PVT1: variants seen among roughly 807,000 people sequenced by gnomAD.
The protein encoded by PVT1 is Pvt1 oncogene.
intron 3 of PVT1, among the ~76,000 whole-genome samples, chr8:127,895,110 A>G (rs915265382): frequency 1.3e-5 from 2 of 152,220 alleles, no homozygotes; most frequent in Non-Finnish European, 2.9e-5. Context: ...GAAATAGTAA[A>G]TATTTCCACT....
chr8:127,911,387 C>T (rs574726866), intron 3 of PVT1, among the ~76,000 whole-genome samples: 2 of 152,308 alleles, frequency 1.3e-5, no homozygotes, highest in Non-Finnish European at 2.9e-5. Flanking sequence ...ACCTGCACAG[C>T]AGGTCGGAGT....
At chr8:128,027,564 G>A (rs1204971014) in intron 4 of PVT1, among the ~76,000 whole-genome samples, 2 of 152,178 alleles carry the variant, frequency 1.3e-5, no homozygotes, top group Non-Finnish European at 2.9e-5. Flanking sequence ...AGTCAGTGAT[G>A]GAATCACCAG....
chr8:127,879,330 G>A (rs1331921708), intron 2 of PVT1, among the ~76,000 whole-genome samples: 1 of 152,102 alleles, frequency 6.6e-6, no homozygotes, highest in Non-Finnish European at 1.5e-5. Context: ...GGAGTTGGAG[G>A]CCAGCTTTGC....
intron 5 of PVT1, among the ~76,000 whole-genome samples, chr8:128,075,507 T>TA (rs1814075954): frequency 6.6e-6 from 1 of 152,302 alleles, no homozygotes; most frequent in East Asian, 1.9e-4. Context: ...TCGGAAAAAT[T>TA]AAAAATTTTC....
rs575910385 is a variant in PVT1 at position 127,980,555 on chromosome 8, G to T, written n.783-8607G>T. Among the ~76,000 whole-genome samples, 152 of 152,126 alleles carry T rather than the reference G, an allele frequency of 1.0e-3. 1 individual carries two copies. Among genetic ancestry groups the T allele is most frequent in the African/African-American group, 3.5e-3 (147 of 41,490 alleles). On this transcript the variant is annotated intron_variant and non_coding_transcript_variant, in intron 3 of 10. Transcript: ENST00000651587. ...TATGGGATGTTTTCTCAGGGAGGGG[G>T]CTCTCTGTTGCAGCCCACCTCTGGG...
At chr8:128,067,956 T>G (rs1424863499) in intron 4 of PVT1, among the ~76,000 whole-genome samples, 5 of 88,942 alleles carry the variant, frequency 5.6e-5, no homozygotes, top group South Asian at 1.0e-3. Context: ...ACTTTGTGTT[T>G]TTTTTTTTTT....
At chr8:127,825,960 C>G (rs1299021552) in intron 2 of PVT1, among the ~76,000 whole-genome samples, 1 of 147,572 alleles carries the variant, frequency 6.8e-6, no homozygotes, top group Non-Finnish European at 1.5e-5. Context: ...AATGGATTCT[C>G]TTGTCTTAGC....
chr8:127,972,307 C>T (rs1248824748), intron 3 of PVT1, among the ~76,000 whole-genome samples: 1 of 152,238 alleles, frequency 6.6e-6, no homozygotes, highest in East Asian at 1.9e-4. Flanking sequence ...AGTCACTGGG[C>T]TGAGCAGCAG....
chr8:127,956,280 G>A (rs28431092), intron 3 of PVT1, among the ~76,000 whole-genome samples: 1 of 152,194 alleles, frequency 6.6e-6, no homozygotes, highest in Non-Finnish European at 1.5e-5. Flanking sequence ...GGCTGAGAGG[G>A]GCCTGCCCCT....
intron 3 of PVT1, among the ~76,000 whole-genome samples, chr8:127,915,612 C>CAAAAAAAAAAAAAAAAAAAAA (rs61238663): frequency 1.6e-5 from 1 of 64,506 alleles, no homozygotes. Flanking sequence ...AACTCCATCT[C>CAAAAAAAAAAAAAAAAAAAAA]AAAAAAAAAA....
At chr8:127,899,937 G>A (rs192823806) in intron 3 of PVT1, among the ~76,000 whole-genome samples, 9 of 152,306 alleles carry the variant, frequency 5.9e-5, no homozygotes, top group African/African-American at 1.7e-4. Flanking sequence ...AAAGGGCAAC[G>A]TAACAAAAGC....
chr8:128,028,930 C>T (rs1813356646), intron 4 of PVT1, among the ~76,000 whole-genome samples: 1 of 152,068 alleles, frequency 6.6e-6, no homozygotes, highest in South Asian at 2.1e-4. Context: ...GCAGCCTTGA[C>T]CTCCTGGGCT....
intron 3 of PVT1, among the ~76,000 whole-genome samples, chr8:127,963,336 C>T (rs10100243): frequency 0.39 from 59,100 of 151,962 alleles, 11,953 homozygotes; most frequent in East Asian, 0.6. Flanking sequence ...ATTTGTGTGT[C>T]CCTGGTGCTT....
At chr8:127,828,353 C>A (rs1008873041) in intron 2 of PVT1, among the ~76,000 whole-genome samples, 1 of 152,148 alleles carries the variant, frequency 6.6e-6, no homozygotes, top group African/African-American at 2.4e-5. Context: ...TTATTATTAG[C>A]TGCAAATAAC....
intron 2 of PVT1, among the ~76,000 whole-genome samples, chr8:127,831,163 A>ATG (rs1814847116): frequency 6.6e-6 from 1 of 150,956 alleles, no homozygotes; most frequent in African/African-American, 2.4e-5. Context: ...CTCTATATAT[A>ATG]TATATATCTC....
chr8:128,063,516 A>C (rs1813858376), intron 4 of PVT1, among the ~76,000 whole-genome samples: 1 of 152,150 alleles, frequency 6.6e-6, no homozygotes, highest in Non-Finnish European at 1.5e-5. Flanking sequence ...TGTCTCAAAA[A>C]ATAAATAAAT....
chr8:127,846,821 G>A (rs1454144467), intron 2 of PVT1, among the ~76,000 whole-genome samples: 2 of 151,116 alleles, frequency 1.3e-5, no homozygotes, highest in Non-Finnish European at 2.9e-5. Flanking sequence ...ACAGGTGCCT[G>A]CCACCACACC....
At chr8:127,880,053 C>A (rs1815447755) in intron 2 of PVT1, among the ~76,000 whole-genome samples, 1 of 152,216 alleles carries the variant, frequency 6.6e-6, no homozygotes, top group Non-Finnish European at 1.5e-5. Flanking sequence ...TGTGGTCCAA[C>A]CTTTCCTCCT....
chr8:127,801,228 G>C (rs181618422), intron 2 of PVT1, among the ~76,000 whole-genome samples: 2 of 152,062 alleles, frequency 1.3e-5, no homozygotes, highest in African/African-American at 4.8e-5. Flanking sequence ...GAGCCCTTGC[G>C]GTGTTTTTTG....
Sources: allele counts gnomAD v4.1 joint callset (sites outside exome capture counted in the v4.1 genomes callset), GRCh38; gene constraint gnomAD v4.1.1; transcripts MANE v1.5; gene names NCBI Gene and HGNC (gene_info 2026-07-23, HGNC 2026-07-21).